CAB39L: variants seen among roughly 807,000 people sequenced by gnomAD.
CAB39L encodes calcium-binding protein 39-like.
A neutral mutation model predicts 39.1 loss-of-function variants in CAB39L; 23 were observed. That is an observed-to-expected ratio of 0.59 (90% CI 0.42 to 0.83). CAB39L has a LOEUF of 0.83. CAB39L is among the 40% of genes least tolerant of loss of function. The probability of loss-of-function intolerance (pLI) is 0.00; values close to 1 mark genes in which losing one functional copy is unlikely to be tolerated. For synonymous variants in CAB39L, 126 were observed against 137.2 expected, an observed-to-expected ratio of 0.92 and a Z score of 0.57; for missense variants, 366 against 391.9, an observed-to-expected ratio of 0.93 and a Z score of 0.56.
intron 3 of CAB39L, among the ~76,000 whole-genome samples, chr13:49,386,516 A>T (rs1169295078): frequency 6.6e-6 from 1 of 152,196 alleles, no homozygotes; most frequent in East Asian, 1.9e-4. Flanking sequence ...GGGAAATAAC[A>T]CACAGTATAC....
intron 3 of CAB39L, among the ~76,000 whole-genome samples, chr13:49,394,309 T>C (rs1037481709): frequency 1.3e-5 from 2 of 151,994 alleles, no homozygotes; most frequent in Non-Finnish European, 2.9e-5. Flanking sequence ...CCATTCTCTA[T>C]AATAAAAAAA....
intron 3 of CAB39L, among the ~76,000 whole-genome samples, chr13:49,396,686 T>C (rs1359147069): frequency 6.6e-6 from 1 of 151,830 alleles, no homozygotes; most frequent in Non-Finnish European, 1.5e-5. Context: ...CCAGCCTGGG[T>C]GATATAGCGA....
intron 7 of CAB39L, among the ~76,000 whole-genome samples, chr13:49,348,997 T>C (rs2138460046): frequency 6.6e-6 from 1 of 152,276 alleles, no homozygotes; most frequent in Admixed American, 6.5e-5. Flanking sequence ...CCTTTACCAC[T>C]CTCTGACACT....
chr13:49,424,287 T>C (rs1039905042), intron 3 of CAB39L, among the ~76,000 whole-genome samples: 1 of 152,250 alleles, frequency 6.6e-6, no homozygotes, highest in African/African-American at 2.4e-5. Context: ...AAAATGGCAC[T>C]GCGCTTCTGC....
chr13:49,329,547 ATATATATATATATATATATATAT>A lies in CAB39L; in HGVS notation c.834+2377_834+2399del, dbSNP rs1954619754. Among the ~76,000 whole-genome samples, 228 of 33,080 alleles carry A rather than the reference ATATATATATATATATATATATAT, an allele frequency of 6.9e-3. 15 individuals are homozygous for A. Among genetic ancestry groups the A allele is most frequent in the Middle Eastern group, 0.043 (3 of 70 alleles). The allele number at this position is 33,080 out of a possible 152,430, so 21.7% of individuals were successfully genotyped here. ...TATCTCTTCAATTAAAAAAAAAAATATATATATATATATATATATATATATATATATATATATATATATATATA... is the reference window on the plus strand; with the variant it reads ...TATCTCTTCAATTAAAAAAAAAAATAATATATATATATATATATATATATA... On this transcript the variant is annotated intron_variant, in intron 10 of 10. Transcript: ENST00000409308.
chr13:49,337,255 C>A lies in CAB39L; in HGVS notation c.690+2422G>T, dbSNP rs143892645. Among the ~76,000 whole-genome samples, 490 of 152,290 alleles carry A rather than the reference C, an allele frequency of 3.2e-3. 1 individual carries two copies. Among genetic ancestry groups the A allele is most frequent in the African/African-American group, 0.011 (443 of 41,530 alleles). On this transcript the variant is annotated intron_variant, in intron 9 of 10. Transcript: ENST00000409308. ...ATAACACAAGTGTGTGACACTATAT[C>A]CCAAACCTAGAAAAAATAGGAAAAA... is the stretch of plus-strand genomic sequence containing the variant.
chr13:49,376,981 GC>G lies in CAB39L; in HGVS notation c.261del (p.Gln87HisfsTer2), dbSNP rs758314200. On this transcript the variant is annotated frameshift_variant, in exon 5 of 11. Transcript: ENST00000409308. LOFTEE classifies it high-confidence loss of function. ...AGCTGGCTTACCTCAAAGTCTATCA[GC>G]TGCAGGTCAGCTATCAGTGTCACTA... The part of the protein sequence containing the change: ...GLLVTLIADL[Q>X]LIDFEGKKDV... 10 of 1,609,446 alleles carry G rather than the reference GC, an allele frequency of 6.2e-6. No homozygotes were observed. In the Admixed American group the frequency reaches 1.7e-4, roughly 27 times the overall value.
chr13:49,408,839 C>T (rs966716594), intron 3 of CAB39L, among the ~76,000 whole-genome samples: 21 of 151,256 alleles, frequency 1.4e-4, no homozygotes, highest in African/African-American at 4.9e-4. Flanking sequence ...CCCTCCCCCC[C>T]AAAAAAAGGC....
intron 9 of CAB39L, among the ~76,000 whole-genome samples, chr13:49,334,302 A>C (rs1306466006): frequency 6.6e-6 from 1 of 152,224 alleles, no homozygotes; most frequent in Admixed American, 6.5e-5. Context: ...AAAGTGAACG[A>C]ATAAACAAGC....
At chr13:49,340,101 A>C (rs1049172113) in intron 8 of CAB39L, among the ~76,000 whole-genome samples, 16 of 152,194 alleles carry the variant, frequency 1.1e-4, no homozygotes, top group African/African-American at 3.9e-4. Context: ...GAAAATATTA[A>C]ATACACTTAA....
chr13:49,423,580 A>G (rs963137472), intron 3 of CAB39L, among the ~76,000 whole-genome samples: 1 of 152,158 alleles, frequency 6.6e-6, no homozygotes, highest in Non-Finnish European at 1.5e-5. Context: ...ATCATTTTTT[A>G]AAAAAAGAGT....
At chr13:49,313,721 G>C (rs1954069685) in intron 10 of CAB39L, among the ~76,000 whole-genome samples, 1 of 152,136 alleles carries the variant, frequency 6.6e-6, no homozygotes, top group African/African-American at 2.4e-5. Context: ...AAGTGTCTCT[G>C]AGCCCTACAG....
At chr13:49,332,836 T>C (rs1185084590) in intron 9 of CAB39L, among the ~76,000 whole-genome samples, 1 of 151,742 alleles carries the variant, frequency 6.6e-6, no homozygotes, top group Admixed American at 6.6e-5. Flanking sequence ...CTGTAGCAAT[T>C]CCTAAAGCTT....
At chr13:49,414,465 G>A (rs1957047552) in intron 3 of CAB39L, among the ~76,000 whole-genome samples, 1 of 152,134 alleles carries the variant, frequency 6.6e-6, no homozygotes, top group Admixed American at 6.5e-5. Flanking sequence ...TTATTGCAAT[G>A]TTATTTACAA....
rs1955584240 is a variant in CAB39L, at chr13:49,359,832, CCT to C, written c.277-2_277-1del. ...AATATCTGGGTCACATCTTTTTTTC[CCT>C]GTTAAAGAAACAAACAGAAATTAAA... On this transcript the variant is annotated splice_acceptor_variant, in intron 5 of 10. Transcript: ENST00000409308. LOFTEE classifies it high-confidence loss of function. 2 of 1,577,342 alleles carry C rather than the reference CCT, an allele frequency of 1.3e-6. No individual in the cohort carries two copies. Among genetic ancestry groups the C allele is most frequent in the Non-Finnish European group, 1.7e-6 (2 of 1,148,030 alleles).
In CAB39L at chr13:49,382,892, A is replaced by G. The variant is rs768380202; in HGVS notation, c.19T>C (p.Phe7Leu). Residue 7 changes from phenylalanine to leucine, a missense_variant, in exon 4 of 11, where the codon TTT becomes CTT. Coordinates refer to ENST00000409308, the MANE Select transcript of CAB39L (RefSeq NM_001079670.3). Reference sequence around the variant, plus strand: ...GCTGGATTTTTGTGTGATTTACTAAACAAAGGCATTTTTTTCATGTGTAGA... The same window carrying G: ...GCTGGATTTTTGTGTGATTTACTAAGCAAAGGCATTTTTTTCATGTGTAGA... The part of the protein sequence containing the change: MKKMPL[F>L]SKSHKNPAEI... 2 of 1,608,092 alleles carry G rather than the reference A, an allele frequency of 1.2e-6. No homozygotes were observed. The highest frequency in any genetic ancestry group is 2.2e-5 in the East Asian group (1 of 44,658).
chr13:49,435,523 T>A (rs1371145686), intron 1 of CAB39L, among the ~76,000 whole-genome samples: 1 of 152,194 alleles, frequency 6.6e-6, no homozygotes, highest in Non-Finnish European at 1.5e-5. Flanking sequence ...ATTTTTGAGA[T>A]GAAGTCTTGC....
intron 8 of CAB39L, among the ~76,000 whole-genome samples, chr13:49,341,816 T>C (rs1420409763): frequency 6.6e-6 from 1 of 152,314 alleles, no homozygotes; most frequent in Admixed American, 6.5e-5. Flanking sequence ...ACAAATTGTA[T>C]GCATATATCA....
Position 49,350,816 on chromosome 13 carries a change from T to C in CAB39L, c.492A>G (p.Gln164=), listed in dbSNP as rs1414308498. ...PLAKIILFSN[Q]FRDFFKYVEL... ...CCACGTACTTAAAGAAATCTCTGAA[T>C]TGATTAGAAAAGAGGATGATTTTGG... is the stretch of plus-strand genomic sequence containing the variant. Residue 164 remains glutamine (Q), a synonymous_variant, in exon 7 of 11, where the codon CAA becomes CAG. Transcript: ENST00000409308. The C allele has an allele frequency of 6.2e-7, 1 of 1,611,644 alleles. No homozygotes were observed. The highest frequency in any genetic ancestry group is 1.7e-5 in the Admixed American group (1 of 59,802).
Sources: gnomAD v4.1 joint callset for allele counts (sites outside exome capture counted in the v4.1 genomes callset) on GRCh38, gnomAD v4.1.1 for gene constraint, MANE v1.5 for transcripts, NCBI Gene and HGNC (gene_info 2026-07-23, HGNC 2026-07-21) for gene names.